Variants in PCDH11X observed in about 807,000 individuals in gnomAD.
PCDH11X encodes the protein protocadherin 11 X-linked.
In PCDH11X, 18 loss-of-function variants were observed where a neutral mutation model predicts 53.3. The observed-to-expected ratio is 0.34, with a 90% CI of 0.23 to 0.50. PCDH11X has a LOEUF of 0.50. Ranked by LOEUF, PCDH11X falls within the 20% of genes least tolerant of loss-of-function variation. The pLI is 0.98. For synonymous variants in PCDH11X, 279 were observed against 393.3 expected (o/e 0.71, Z 3.44); for missense variants, 570 against 1,032.4 (o/e 0.55, Z 6.14).
At chrX:92,540,748 A>G (rs1469733475) in intron 10 of PCDH11X, among the ~76,000 whole-genome samples, 3 of 106,797 alleles carry the variant, frequency 2.8e-5, no homozygotes, top group African/African-American at 1.0e-4. Flanking sequence ...TCAGAGCCCA[A>G]GGGCTCTTTA....
In PCDH11X at chrX:92,353,251, TGGCA is replaced by T. The variant is rs2070103240; in HGVS notation, c.3145-34481_3145-34478del. On this transcript the variant is annotated intron_variant, in intron 8 of 10. Transcript: ENST00000682573. The stretch of plus-strand genomic sequence containing the variant: ...TCCTCTAGGATTTTTATTTCACTGA[TGGCA>T]GGTTTTGAACTCCATAGATGATTTT... 1.1e-4 allele frequency among the ~76,000 whole-genome samples: 12 copies of T among 112,268 alleles called. No homozygotes were observed. In the South Asian group the frequency reaches 4.1e-3, roughly 38 times the overall value.
chrX:92,210,490 C>A (rs2066564645), intron 7 of PCDH11X, among the ~76,000 whole-genome samples: 1 of 110,260 alleles, frequency 9.1e-6, no homozygotes, highest in South Asian at 3.9e-4. Context: ...CCACCTGCCT[C>A]AGCCTCCCAA....
intron 10 of PCDH11X, among the ~76,000 whole-genome samples, chrX:92,536,374 A>G (rs2074658745): frequency 9.0e-6 from 1 of 110,923 alleles, no homozygotes; most frequent in African/African-American, 3.3e-5. Context: ...ATCTCTACCC[A>G]TATTTTAAAT....
Position 92,053,254 on chromosome X carries a change from A to T in PCDH11X, c.3034-148121A>T, listed in dbSNP as rs188826236. Among the ~76,000 whole-genome samples the T allele has an allele frequency of 3.0e-3, 335 of 110,502 alleles. 2 individuals carry two copies. The highest frequency in any genetic ancestry group is 3.0e-3 in the Non-Finnish European group (159 of 52,978). ...GCATACGAATACATGCTTTACGTGT[A>T]TCCTGAGGCACAGGGTCCCAAACTG... On this transcript the variant is annotated intron_variant, in intron 6 of 10. Transcript: ENST00000682573.
chrX:92,103,332 A>G (rs910890270), intron 6 of PCDH11X, among the ~76,000 whole-genome samples: 49 of 110,925 alleles, frequency 4.4e-4, no homozygotes, highest in African/African-American at 1.6e-3. Context: ...GGCTGTCAAT[A>G]CCCACAACAG....
At position 91,794,217 on chromosome X, in the gene PCDH11X, C is replaced by A. The variant is rs771378814; in HGVS notation, c.-379+14533C>A. Among the ~76,000 whole-genome samples, 19 of 112,113 alleles carry A rather than the reference C, an allele frequency of 1.7e-4. No individual in the cohort carries two copies. In the South Asian group the frequency reaches 7.0e-3, roughly 41 times the overall value. ...ATAACCATTTAACACTTCAAACAAC[C>A]CTGTGGATTAGCTGGAGCAGACATT... On this transcript the variant is annotated intron_variant, in intron 1 of 10. Coordinates refer to ENST00000682573, the MANE Select transcript of PCDH11X (RefSeq NM_032968.5).
At chrX:92,013,830 A>G (rs1012694064) in intron 6 of PCDH11X, among the ~76,000 whole-genome samples, 15 of 112,007 alleles carry the variant, frequency 1.3e-4, no homozygotes, top group African/African-American at 4.9e-4. Flanking sequence ...GGCTAGCCAT[A>G]CGTAGAAAGC....
intron 6 of PCDH11X, among the ~76,000 whole-genome samples, chrX:92,000,628 T>G (rs911487046): frequency 9.1e-5 from 10 of 110,311 alleles, no homozygotes; most frequent in African/African-American, 3.0e-4. Context: ...AAGTTGTGAT[T>G]GACTATGGTC....
intron 6 of PCDH11X, among the ~76,000 whole-genome samples, chrX:92,004,639 T>G (rs2062565060): frequency 9.0e-6 from 1 of 110,709 alleles, no homozygotes; most frequent in African/African-American, 3.3e-5. Context: ...AGTGAACTTC[T>G]TTGTCTCTTC....
intron 6 of PCDH11X, among the ~76,000 whole-genome samples, chrX:92,179,299 A>G (rs1345482884): frequency 1.8e-5 from 2 of 112,357 alleles, no homozygotes; most frequent in Admixed American, 1.9e-4. Flanking sequence ...TAAATATATA[A>G]AGGCATCAGG....
At chrX:92,577,083 C>T (rs1276809995) in intron 10 of PCDH11X, among the ~76,000 whole-genome samples, 1 of 108,202 alleles carries the variant, frequency 9.2e-6, no homozygotes, top group Non-Finnish European at 1.9e-5. Flanking sequence ...AGTTGTCCCT[C>T]CTTTTCCATG....
intron 5 of PCDH11X, among the ~76,000 whole-genome samples, chrX:91,866,083 G>A (rs1938972817): frequency 9.0e-6 from 1 of 110,591 alleles, no homozygotes; most frequent in Admixed American, 9.7e-5. Context: ...ACTCTATCCA[G>A]TGCCTTATCC....
rs1303924866 is a variant in PCDH11X at position 92,099,315 on chromosome X, G to T, written c.3034-102060G>T. On this transcript the variant is annotated intron_variant, in intron 6 of 10. Coordinates refer to ENST00000682573, the MANE Select transcript of PCDH11X (RefSeq NM_032968.5). ...TTCTTTCCAGCTTGTCAGAAACTGT[G>T]AGAGAGAAATTAATGACAAAAGTTT... is the stretch of plus-strand genomic sequence containing the variant. 3.7e-5 allele frequency among the ~76,000 whole-genome samples: 4 copies of T among 108,117 alleles called. No homozygotes were observed. In the South Asian group the frequency reaches 1.6e-3, roughly 43 times the overall value. The allele number at this position is 108,117 out of a possible 115,157, so 93.9% of individuals were successfully genotyped here.
At chrX:92,032,864 T>A (rs1441595940) in intron 6 of PCDH11X, among the ~76,000 whole-genome samples, 1 of 109,276 alleles carries the variant, frequency 9.2e-6, no homozygotes. Flanking sequence ...TTTTTTTTTT[T>A]TTGAGGCTAA....
At chrX:92,393,062 CTAATA>C (rs1485467172) in intron 9 of PCDH11X, among the ~76,000 whole-genome samples, 1 of 110,511 alleles carries the variant, frequency 9.0e-6, no homozygotes, top group Non-Finnish European at 1.9e-5. Flanking sequence ...CATGGGCTTT[CTAATA>C]TTTCTTTAAA....
intron 9 of PCDH11X, chrX:92,468,041 G>A (rs552310707): frequency 1.7e-4 from 23 of 136,573 alleles, no homozygotes; most frequent in South Asian, 9.5e-4. Context: ...TTTCCTTTGT[G>A]GAAAGCACCA....
intron 9 of PCDH11X, among the ~76,000 whole-genome samples, chrX:92,462,084 A>G (rs1297317359): frequency 8.9e-6 from 1 of 111,784 alleles, no homozygotes; most frequent in African/African-American, 3.2e-5. Context: ...TGAAAATGTG[A>G]AGAAAAAGTT....
At chrX:92,414,089 C>T (rs2071751207) in intron 9 of PCDH11X, among the ~76,000 whole-genome samples, 1 of 108,700 alleles carries the variant, frequency 9.2e-6, no homozygotes, top group Non-Finnish European at 1.9e-5. Context: ...TTGGTTAAAA[C>T]TAGCAGTGCA....
chrX:92,105,623 C>T (rs1170597710), intron 6 of PCDH11X, among the ~76,000 whole-genome samples: 1 of 91,028 alleles, frequency 1.1e-5, no homozygotes, highest in Non-Finnish European at 2.2e-5. Flanking sequence ...TGTTCTCTGG[C>T]GGGTAGGAGT....
Sources: allele counts gnomAD v4.1 joint callset (sites outside exome capture counted in the v4.1 genomes callset), GRCh38; gene constraint gnomAD v4.1.1; transcripts MANE v1.5; gene names NCBI Gene and HGNC (gene_info 2026-07-23, HGNC 2026-07-21).